Variants in LTBP1 observed in about 807,000 individuals in gnomAD.
LTBP1 encodes latent transforming growth factor beta binding protein 1, also known as latent-transforming growth factor beta-binding protein 1.
In LTBP1, 129 loss-of-function variants were observed where a neutral mutation model predicts 207.6. The observed-to-expected ratio is 0.62, with a 90% CI of 0.54 to 0.72. LTBP1 has a LOEUF of 0.72. Ranked by LOEUF, LTBP1 falls within the 30% of genes least tolerant of loss-of-function variation. The pLI is 0.00. For synonymous variants in LTBP1, 963 were observed against 833.7 expected, an observed-to-expected ratio of 1.16 and a Z score of -2.67; for missense variants, 2,281 against 2,217.2, an observed-to-expected ratio of 1.03 and a Z score of -0.58.
intron 11 of LTBP1, among the ~76,000 whole-genome samples, chr2:33,253,262 T>G (rs1352989413): frequency 6.6e-6 from 1 of 152,192 alleles, no homozygotes; most frequent in East Asian, 1.9e-4. Context: ...GTGCTTAATT[T>G]CTTTAATTGG....
intron 2 of LTBP1, among the ~76,000 whole-genome samples, chr2:32,970,469 C>G (rs889493815): frequency 5.3e-5 from 8 of 152,148 alleles, no homozygotes; most frequent in African/African-American, 1.9e-4. Flanking sequence ...TTTCAATCTT[C>G]TGCATGTGGC....
In LTBP1 at chr2:33,121,159, C is replaced by CTTTTTTTTTTTTTTT. The variant is rs61065486; in HGVS notation, c.1033+10418_1033+10432dup. ...TCAGTGGAAATAAATTTTGTAAAGT[C>CTTTTTTTTTTTTTTT]TTTTTTTTTTTTTTTTTTTTTTTTA... On this transcript the variant is annotated intron_variant, in intron 4 of 33. Transcript: ENST00000404816. 3.4e-3 allele frequency among the ~76,000 whole-genome samples: 301 copies of CTTTTTTTTTTTTTTT among 87,538 alleles called. 4 individuals are homozygous for CTTTTTTTTTTTTTTT. Among genetic ancestry groups the CTTTTTTTTTTTTTTT allele is most frequent in the Non-Finnish European group, 4.1e-3 (199 of 49,068 alleles). 57.4% of individuals were successfully genotyped at this position (87,538 alleles called of 152,430 possible).
chr2:33,117,287 G>T (rs2080803583), intron 4 of LTBP1, among the ~76,000 whole-genome samples: 1 of 152,220 alleles, frequency 6.6e-6, no homozygotes, highest in Non-Finnish European at 1.5e-5. Context: ...ATGGTTGAAT[G>T]TCTTGCTTGT....
chr2:33,238,005 A>G (rs1485451375), intron 9 of LTBP1, among the ~76,000 whole-genome samples: 5 of 152,080 alleles, frequency 3.3e-5, no homozygotes, highest in Non-Finnish European at 7.4e-5. Flanking sequence ...CCTTCGTGGT[A>G]TGTCTACCCA....
intron 2 of LTBP1, among the ~76,000 whole-genome samples, chr2:32,981,209 C>G (rs1682714607): frequency 6.6e-6 from 1 of 152,158 alleles, no homozygotes; most frequent in African/African-American, 2.4e-5. Flanking sequence ...GTCAGTAACT[C>G]TTAGATTTGC....
intron 31 of LTBP1, among the ~76,000 whole-genome samples, chr2:33,377,507 G>A (rs1434331629): frequency 6.6e-6 from 1 of 152,168 alleles, no homozygotes; most frequent in Non-Finnish European, 1.5e-5. Context: ...ATACTGCATG[G>A]AAGTGCTAGG....
At chr2:33,173,957 G>T (rs9678843) in intron 5 of LTBP1, among the ~76,000 whole-genome samples, 2 of 119,020 alleles carry the variant, frequency 1.7e-5, no homozygotes, top group African/African-American at 5.6e-5. Flanking sequence ...ATTCAACAAC[G>T]CTTCATGCTA....
chr2:33,113,879 T>G (rs182444078), intron 4 of LTBP1, among the ~76,000 whole-genome samples: 110 of 152,316 alleles, frequency 7.2e-4, no homozygotes, highest in Non-Finnish European at 1.2e-3. Context: ...TCTTGGCTAT[T>G]ATGAATAATG....
rs2091214763 is a variant in LTBP1, at chr2:33,222,981, A to G, written c.1876+830A>G. On this transcript the variant is annotated intron_variant, in intron 9 of 33. Coordinates refer to ENST00000404816, the MANE Select transcript of LTBP1 (RefSeq NM_206943.4). Reference sequence around the variant, plus strand: ...ATACATTGAAACTGAGAAAGCAGAGAGCCTCCCAGAGTCTGATAGAACCAA... The same window carrying G: ...ATACATTGAAACTGAGAAAGCAGAGGGCCTCCCAGAGTCTGATAGAACCAA... Among the ~76,000 whole-genome samples the G allele has an allele frequency of 2.6e-5, 4 of 152,224 alleles. No individual in the cohort carries two copies. The South Asian group carries it at 8.3e-4, about 32-fold the overall frequency.
At chr2:33,192,737 T>C (rs2088046495) in intron 7 of LTBP1, among the ~76,000 whole-genome samples, 1 of 152,170 alleles carries the variant, frequency 6.6e-6, no homozygotes. Context: ...GACTGGGTAA[T>C]CTATAAAGAA....
chr2:33,324,134 T>C (rs2094394570), intron 24 of LTBP1, among the ~76,000 whole-genome samples: 1 of 152,176 alleles, frequency 6.6e-6, no homozygotes, highest in Non-Finnish European at 1.5e-5. Flanking sequence ...GTACCTTAGT[T>C]ACAGCAGTCC....
At chr2:32,982,432 A>T (rs1361986021) in intron 2 of LTBP1, among the ~76,000 whole-genome samples, 1 of 152,218 alleles carries the variant, frequency 6.6e-6, no homozygotes, top group Non-Finnish European at 1.5e-5. Context: ...GAGAAACTCA[A>T]GCCTGCTGCA....
chr2:32,980,839 G>C (rs1214637710), intron 2 of LTBP1, among the ~76,000 whole-genome samples: 1 of 152,096 alleles, frequency 6.6e-6, no homozygotes, highest in East Asian at 1.9e-4. Flanking sequence ...GGATATTTTT[G>C]CCATAGATAC....
chr2:33,330,639 T>G (rs2094482081), intron 24 of LTBP1, among the ~76,000 whole-genome samples: 1 of 151,928 alleles, frequency 6.6e-6, no homozygotes, highest in African/African-American at 2.4e-5. Flanking sequence ...ATTCTGTTAA[T>G]GTGGTGAATT....
At position 33,217,622 on chromosome 2, in the gene LTBP1, T is replaced by C; in HGVS notation, c.1772T>C (p.Phe591Ser). ...GGAACTGTGGGTACCTCCTGGGGCT[T>C]TAACAAATGCCAGAAATGCCCCAAG... Reference protein sequence around the residue: ...CCGTVGTSWGFNKCQKCPKKP... With the variant: ...CCGTVGTSWGSNKCQKCPKKP... The change falls in exon 8 of 34, where the codon TTT becomes TCT. Residue 591 changes from phenylalanine to serine, a missense_variant. Physicochemically the swap from Phe to Ser is radical, Grantham distance 155. Transcript: ENST00000404816. 4 of 1,613,802 alleles carry C rather than the reference T, an allele frequency of 2.5e-6. No homozygotes were observed. Among genetic ancestry groups the C allele is most frequent in the Non-Finnish European group, 3.4e-6 (4 of 1,179,796 alleles).
At position 33,398,539 on chromosome 2, in the gene LTBP1, G is replaced by A. The variant is rs752505434; in HGVS notation, c.5160G>A (p.Leu1720=). 7 of 1,613,592 alleles carry A rather than the reference G, an allele frequency of 4.3e-6. No homozygotes were observed. The highest frequency in any genetic ancestry group is 5.9e-6 in the Non-Finnish European group (7 of 1,179,758). ...TGAATTTAGAGAAAGACAGTGACCT[G>A]GAGTGAAACAGAATCTACATAACCT... The part of the protein sequence containing the change: ...TALNLEKDSD[L]E The change falls in exon 34 of 34, where the codon CTG becomes CTA. Residue 1720 remains leucine (L), a synonymous_variant. Coordinates refer to ENST00000404816, the MANE Select transcript of LTBP1 (RefSeq NM_206943.4).
intron 7 of LTBP1, among the ~76,000 whole-genome samples, chr2:33,204,620 C>T (rs888961118): frequency 6.6e-6 from 1 of 151,658 alleles, no homozygotes; most frequent in Non-Finnish European, 1.5e-5. Context: ...CACTCTGTTG[C>T]CCAAGCTGGA....
At chr2:33,089,909 T>A (rs1181862086) in intron 3 of LTBP1, among the ~76,000 whole-genome samples, 2 of 152,240 alleles carry the variant, frequency 1.3e-5, no homozygotes, top group Non-Finnish European at 2.9e-5. Flanking sequence ...TATTACTTGA[T>A]AAAGTTACAA....
chr2:32,951,853 A>G (rs1047306134), intron 2 of LTBP1, among the ~76,000 whole-genome samples: 1 of 152,174 alleles, frequency 6.6e-6, no homozygotes, highest in Non-Finnish European at 1.5e-5. Flanking sequence ...TCACTTCCTT[A>G]TTATGCGGAG....
Sources: gnomAD v4.1 joint callset for allele counts (sites outside exome capture counted in the v4.1 genomes callset) on GRCh38, gnomAD v4.1.1 for gene constraint, MANE v1.5 for transcripts, NCBI Gene and HGNC (gene_info 2026-07-23, HGNC 2026-07-21) for gene names.